NAA38: variants seen among roughly 807,000 people sequenced by gnomAD.
NAA38 encodes N-alpha-acetyltransferase 38, NatC auxiliary subunit.
NAA38 carries 15 observed loss-of-function variants against 12.6 expected under a neutral mutation model. The ratio of observed to expected loss-of-function variants is 1.19; its 90% confidence interval spans 0.79 to 1.83. The LOEUF is 1.83. Among genes scored for constraint, NAA38 ranks in the 40% most tolerant of loss-of-function variants. The pLI, the probability that NAA38 is intolerant of heterozygous loss-of-function variation, is 0.00. For synonymous variants in NAA38, 88 were observed against 69.9 expected (o/e 1.26, Z -1.29); for missense variants, 183 against 171.7 (o/e 1.07, Z -0.37).
At chr17:7,859,700 G>A, upstream of NAA38, 1 of 1,213,286 alleles carries the variant, frequency 8.2e-7, no homozygotes, top group South Asian at 1.3e-5. Context: ...GGGCCGAGGG[G>A]TGCCTGGACC....
At position 7,857,476 on chromosome 17, in the gene NAA38, C is replaced by T. The variant is rs776222142; in HGVS notation, c.-13G>A. ...CAGCTCCGGCCATTTGCCCGGAGGC[C>T]TCCTCTGGGCCTTTCAACTTCCTAA... On this transcript the variant is annotated 5_prime_UTR_variant, in exon 1 of 3. Coordinates refer to ENST00000575771, the MANE Select transcript of NAA38 (RefSeq NM_001320925.4). 2.0e-6 allele frequency: 3 copies of T among 1,514,534 alleles called. No homozygotes were observed. Among genetic ancestry groups the T allele is most frequent in the Admixed American group, 4.6e-5 (2 of 43,464 alleles). The allele number at this position is 1,514,534 out of a possible 1,614,324, so 93.8% of individuals were successfully genotyped here.
chr17:7,877,674 T>C (rs1464287819), intron 2 of NAA38, among the ~76,000 whole-genome samples: 1 of 152,200 alleles, frequency 6.6e-6, no homozygotes, highest in Non-Finnish European at 1.5e-5. Context: ...TGTTTCTCTA[T>C]AATAAATGGT....
At chr17:7,861,207 T>C (rs1449473434), upstream of NAA38, 3 of 152,128 alleles carry the variant, frequency 2.0e-5, no homozygotes, top group Non-Finnish European at 4.4e-5. Flanking sequence ...TTAGTGTGTC[T>C]TCTGGCAGGG....
chr17:7,875,123 A>C (rs1193344530), intron 2 of NAA38, among the ~76,000 whole-genome samples: 2 of 151,842 alleles, frequency 1.3e-5, no homozygotes, highest in Non-Finnish European at 2.9e-5. Flanking sequence ...TGAGCCTAGG[A>C]GTTCGAGGCT....
At chr17:7,870,307 A>C (rs2151390229) in intron 2 of NAA38, among the ~76,000 whole-genome samples, 1 of 152,290 alleles carries the variant, frequency 6.6e-6, no homozygotes, top group South Asian at 2.1e-4. Context: ...AGATCTAAAA[A>C]ACTTGCAGAA....
chr17:7,862,744 AAAAAAAAAAAAAGTT>A (rs1262703583), upstream of NAA38: 1 of 145,800 alleles, frequency 6.9e-6, no homozygotes, highest in Non-Finnish European at 1.5e-5. Flanking sequence ...CATCTAAAAA[AAAAAAAAAAAAAGTT>A]AAAAAAAAAA....
At chr17:7,859,212 C>T (rs1266727015), upstream of NAA38, 1 of 618,558 alleles carries the variant, frequency 1.6e-6, no homozygotes, top group African/African-American at 1.8e-5. Flanking sequence ...CCATTAAGAT[C>T]TGTAGGACTT....
upstream of NAA38, chr17:7,857,917 G>C (rs1342058446): frequency 7.0e-7 from 1 of 1,420,708 alleles, no homozygotes; most frequent in African/African-American, 1.4e-5. Flanking sequence ...GCCCCACGCG[G>C]GACTCATACT....
upstream of NAA38, chr17:7,885,292 C>G (rs1275871504): frequency 5.7e-6 from 1 of 175,406 alleles, no homozygotes; most frequent in Admixed American, 9.4e-5. Flanking sequence ...CTCCCCTCCC[C>G]CGCCGCACCC....
chr17:7,869,907 T>G (rs767385829), intron 2 of NAA38, among the ~76,000 whole-genome samples: 1 of 152,208 alleles, frequency 6.6e-6, no homozygotes, highest in South Asian at 2.1e-4. Context: ...AAAGGATAGT[T>G]AATCAGCTGG....
upstream of NAA38, chr17:7,860,698 A>G (rs1048619318): frequency 6.6e-6 from 1 of 152,150 alleles, no homozygotes; most frequent in Non-Finnish European, 1.5e-5. Context: ...TTGTGGTCCT[A>G]TTGTATAGTT....
At chr17:7,884,985 G>C in intron 1 of NAA38, 3 of 1,265,076 alleles carry the variant, frequency 2.4e-6, no homozygotes, top group South Asian at 2.8e-5. Flanking sequence ...GGCCACGACC[G>C]GGGCCGCGAC....
chr17:7,859,104 G>C (rs1018995568), upstream of NAA38: 1 of 573,538 alleles, frequency 1.7e-6, no homozygotes, highest in African/African-American at 1.9e-5. Context: ...ACGCCGTTTT[G>C]GACAGCAATT....
At chr17:7,866,299 G>A (rs1307233888) in intron 3 of NAA38, among the ~76,000 whole-genome samples, 5 of 141,530 alleles carry the variant, frequency 3.5e-5, no homozygotes, top group African/African-American at 1.1e-4. Flanking sequence ...TAGTAGAGAC[G>A]GGGTTTTACC....
upstream of NAA38, chr17:7,858,633 G>C (rs146940228): frequency 3.7e-6 from 6 of 1,604,748 alleles, no homozygotes; most frequent in African/African-American, 6.7e-5. Flanking sequence ...TCCGCTGACC[G>C]GCTGCCTGAG....
At position 7,857,405 on chromosome 17, in the gene NAA38, C is replaced by T; in HGVS notation, c.59G>A (p.Arg20His). Residue 20 changes from arginine to histidine, a missense_variant, in exon 1 of 3, where the codon CGT (arginine) becomes CAT (histidine). Physicochemically the swap from Arg to His is conservative, Grantham distance 29. Coordinates refer to ENST00000575771, the MANE Select transcript of NAA38 (RefSeq NM_001320925.4). ...AACCCCAGCACTGGAGCTGCTCTGA[C>T]GCCGACTGCAACAGCCATTCTCTTC... is the stretch of plus-strand genomic sequence containing the variant. ...LREENGCCSR[R>H]QSSSSAGDSD... 6.2e-7 allele frequency: 1 copy of T among 1,600,896 alleles called. No homozygotes were observed. The highest frequency in any genetic ancestry group is 2.2e-5 in the East Asian group (1 of 44,778).
upstream of NAA38, chr17:7,858,659 G>A: frequency 6.2e-7 from 1 of 1,609,862 alleles, no homozygotes; most frequent in Non-Finnish European, 8.5e-7. Context: ...GCACCCCGCG[G>A]GGCCGCTTTG....
chr17:7,859,240 A>C (rs773186879), upstream of NAA38: 72 of 657,032 alleles, frequency 1.1e-4, no homozygotes, highest in Non-Finnish European at 1.7e-4. Context: ...TGCTCATTGC[A>C]TGCTGGAGTT....
At chr17:7,882,896 T>A (rs982585639) in intron 2 of NAA38, among the ~76,000 whole-genome samples, 3 of 151,770 alleles carry the variant, frequency 2.0e-5, no homozygotes, top group Non-Finnish European at 4.4e-5. Context: ...ACTGGAGAGG[T>A]AGAGGAATAA....
Sources: gnomAD v4.1 joint callset for allele counts (sites outside exome capture counted in the v4.1 genomes callset) on GRCh38, gnomAD v4.1.1 for gene constraint, MANE v1.5 for transcripts, NCBI Gene and HGNC (gene_info 2026-07-23, HGNC 2026-07-21) for gene names.